Variants in AGAP1 observed in about 807,000 individuals in gnomAD.
AGAP1 encodes the protein arf-GAP with GTPase, ANK repeat and PH domain-containing protein 1.
AGAP1 carries 29 observed loss-of-function variants against 105.3 expected under a neutral mutation model. The observed-to-expected ratio is 0.28, with a 90% CI of 0.21 to 0.38. The LOEUF (loss-of-function observed/expected upper bound fraction) is 0.38. AGAP1 is among the 10% of genes least tolerant of loss of function. AGAP1 has a pLI of 1.00. For missense variants in AGAP1, 998 were observed against 1,165.1 expected, an observed-to-expected ratio of 0.86 and a Z score of 2.09; for synonymous variants, 509 against 485.9, an observed-to-expected ratio of 1.05 and a Z score of -0.63.
intron 13 of AGAP1, among the ~76,000 whole-genome samples, chr2:235,996,610 C>T (rs533647947): frequency 7.2e-5 from 11 of 152,332 alleles, no homozygotes; most frequent in East Asian, 3.9e-4. Flanking sequence ...TGGCTGCCCC[C>T]GGGGACCTTC....
At chr2:235,804,847 G>T (rs1957758639) in intron 8 of AGAP1, among the ~76,000 whole-genome samples, 1 of 152,184 alleles carries the variant, frequency 6.6e-6, no homozygotes, top group South Asian at 2.1e-4. Context: ...CTGTATGCAG[G>T]GCAGGGTCAC....
In AGAP1 at chr2:235,770,781, A is replaced by G. The variant is rs150432342; in HGVS notation, c.673+20293A>G. ...ATTAAGCTCAAAGTGGCAGATTCCA[A>G]TGCTTCAGGAATGTCTGACCCCTGT... On this transcript the variant is annotated intron_variant, in intron 6 of 17. Coordinates refer to ENST00000304032, the MANE Select transcript of AGAP1 (RefSeq NM_001037131.3). Among the ~76,000 whole-genome samples the G allele has an allele frequency of 1.7e-3, 266 of 152,290 alleles. 2 individuals are homozygous for G. Among genetic ancestry groups the G allele is most frequent in the Middle Eastern group, 6.8e-3 (2 of 294 alleles).
chr2:235,971,353 G>A lies in AGAP1; in HGVS notation c.1645+2730G>A, dbSNP rs2054632917. ...TCAGTGATATATGATATTTTTGATAGTTTTATTTACTGTTAATTCCTTGAA... is the reference window on the plus strand; with the variant it reads ...TCAGTGATATATGATATTTTTGATAATTTTATTTACTGTTAATTCCTTGAA... On this transcript the variant is annotated intron_variant, in intron 13 of 17. Coordinates refer to ENST00000304032, the MANE Select transcript of AGAP1 (RefSeq NM_001037131.3). The surrounding 1 kb of genome is among the most constrained non-coding windows in gnomAD (Gnocchi z 4.8). Among the ~76,000 whole-genome samples the A allele has an allele frequency of 6.6e-6, 1 of 152,182 alleles. No individual in the cohort carries two copies. Among genetic ancestry groups the A allele is most frequent in the Non-Finnish European group, 1.5e-5 (1 of 68,040 alleles).
rs556164022 is a variant in AGAP1, at chr2:235,737,121, G to A, written c.311-3842G>A. Among the ~76,000 whole-genome samples, 78 of 152,268 alleles carry A rather than the reference G, an allele frequency of 5.1e-4. No individual in the cohort carries two copies. Among genetic ancestry groups the A allele is most frequent in the African/African-American group, 1.8e-3 (75 of 41,554 alleles). On this transcript the variant is annotated intron_variant, in intron 3 of 17. Transcript: ENST00000304032. The surrounding 1 kb of genome is among the most constrained non-coding windows in gnomAD (Gnocchi z 4.5). ...CCTGCTCCCATCAGTAGTGCCCTGC[G>A]GGACCTTTTGAAAATCTCCCCAGTA...
intron 1 of AGAP1, among the ~76,000 whole-genome samples, chr2:235,499,164 G>C (rs1941453647): frequency 6.6e-6 from 1 of 152,216 alleles, no homozygotes; most frequent in Non-Finnish European, 1.5e-5. Flanking sequence ...CTGGCCCTCT[G>C]TCGCCGTGTG....
rs1419199147 is a variant in AGAP1, at chr2:235,979,451, T to C, written c.1645+10828T>C. Among the ~76,000 whole-genome samples the C allele has an allele frequency of 6.6e-6, 1 of 152,208 alleles. No homozygotes were observed. Among genetic ancestry groups the C allele is most frequent in the Non-Finnish European group, 1.5e-5 (1 of 68,032 alleles). ...CTCGCGCTCATTTTATCAAGATGTA[T>C]TAATGCTTTGGAGAAGGTGTAGTTG... is the stretch of plus-strand genomic sequence containing the variant. On this transcript the variant is annotated intron_variant, in intron 13 of 17. Coordinates refer to ENST00000304032, the MANE Select transcript of AGAP1 (RefSeq NM_001037131.3). The surrounding 1 kb of genome is among the most constrained non-coding windows in gnomAD (Gnocchi z 4.5).
Position 236,049,177 on chromosome 2 carries a change from A to G in AGAP1, c.2010A>G (p.Pro670=). The G allele has an allele frequency of 6.2e-7, 1 of 1,614,208 alleles. No homozygotes were observed. The highest frequency in any genetic ancestry group is 8.5e-7 in the Non-Finnish European group (1 of 1,180,032). ...RVRSLDLDDW[P]VELIKVMSSI... is the part of the protein sequence containing the mutation. ...GATCTCTGGACCTGGATGACTGGCC[A>G]GTCGAGCTCATCAAGGTGATGTCAT... The change falls in exon 16 of 18, where the codon CCA becomes CCG. Residue 670 remains proline, a synonymous_variant. Coordinates refer to ENST00000304032, the MANE Select transcript of AGAP1 (RefSeq NM_001037131.3).
At chr2:235,496,014 A>T (rs1055938734) in intron 1 of AGAP1, among the ~76,000 whole-genome samples, 6 of 152,174 alleles carry the variant, frequency 3.9e-5, no homozygotes, top group African/African-American at 1.4e-4. Flanking sequence ...TCCCTCTGTG[A>T]GGGAGAGGGT....
rs34419216 is a variant in AGAP1, at chr2:236,098,620, C to CTTTTTTTTTTTTTTTTTT, written c.2115-21570_2115-21553dup. On this transcript the variant is annotated intron_variant, in intron 16 of 17. Coordinates refer to ENST00000304032, the MANE Select transcript of AGAP1 (RefSeq NM_001037131.3). ...GCTGACTTGATGAAATCTTTTTTTC[C>CTTTTTTTTTTTTTTTTTT]TTTTTTTTTTTTTTTTTTTAGAGAA... Among the ~76,000 whole-genome samples, 416 of 115,190 alleles carry CTTTTTTTTTTTTTTTTTT rather than the reference C, an allele frequency of 3.6e-3. 42 individuals carry two copies. Among genetic ancestry groups the CTTTTTTTTTTTTTTTTTT allele is most frequent in the African/African-American group, 0.015 (391 of 25,746 alleles). The allele number at this position is 115,190 out of a possible 152,430, so 75.6% of individuals were successfully genotyped here. A position where few individuals can be genotyped will look rare whatever the true frequency, so the allele number is the denominator to read the frequency against.
intron 9 of AGAP1, among the ~76,000 whole-genome samples, chr2:235,876,537 T>C (rs2049737204): frequency 2.6e-5 from 4 of 152,194 alleles, no homozygotes; most frequent in African/African-American, 7.2e-5. Context: ...CTGGCCGCCT[T>C]GCCTGCCTGG....
At position 235,689,210 on chromosome 2, in the gene AGAP1, A is replaced by G. The variant is rs555826902; in HGVS notation, c.164-19969A>G. Among the ~76,000 whole-genome samples the G allele has an allele frequency of 1.2e-4, 19 of 152,166 alleles. No individual in the cohort carries two copies. Among genetic ancestry groups the G allele is most frequent in the Non-Finnish European group, 2.1e-4 (14 of 68,004 alleles). ...TCGGTAGATGGCCCCGGCCCTGCCT[A>G]TGCCTTGGACACTCTTCATTCGCTA... On this transcript the variant is annotated intron_variant, in intron 1 of 17. Coordinates refer to ENST00000304032, the MANE Select transcript of AGAP1 (RefSeq NM_001037131.3). The surrounding 1 kb of genome is among the most constrained non-coding windows in gnomAD (Gnocchi z 4.2).
At chr2:235,500,767 A>C (rs1941528432) in intron 1 of AGAP1, among the ~76,000 whole-genome samples, 1 of 152,140 alleles carries the variant, frequency 6.6e-6, no homozygotes, top group Non-Finnish European at 1.5e-5. Flanking sequence ...GACCCCTTTA[A>C]ATTTCATTAG....
rs2149718007 is a variant in AGAP1 at position 235,751,693 on chromosome 2, G to T, written c.673+1205G>T. On this transcript the variant is annotated intron_variant, in intron 6 of 17. Coordinates refer to ENST00000304032, the MANE Select transcript of AGAP1 (RefSeq NM_001037131.3). The surrounding 1 kb of genome is among the most constrained non-coding windows in gnomAD (Gnocchi z 5.3). ...ACATTTTCTTTCCTGGAGCAGTGAGGTTCCTTTCTAAGCCTGCCGTCTCTT... is the reference window on the plus strand; with the variant it reads ...ACATTTTCTTTCCTGGAGCAGTGAGTTTCCTTTCTAAGCCTGCCGTCTCTT... Among the ~76,000 whole-genome samples, 1 of 152,266 alleles carries T rather than the reference G, an allele frequency of 6.6e-6. No individual in the cohort carries two copies. Among genetic ancestry groups the T allele is most frequent in the South Asian group, 2.1e-4 (1 of 4,820 alleles).
chr2:235,731,513 G>C (rs1176799300), intron 3 of AGAP1, among the ~76,000 whole-genome samples: 2 of 152,196 alleles, frequency 1.3e-5, no homozygotes, highest in Non-Finnish European at 2.9e-5. Flanking sequence ...TGCGTATTAG[G>C]AAGAGGCCTG....
chr2:235,602,451 A>G (rs1945761049), intron 1 of AGAP1, among the ~76,000 whole-genome samples: 1 of 152,048 alleles, frequency 6.6e-6, no homozygotes, highest in Non-Finnish European at 1.5e-5. Context: ...TTTGCCCGCC[A>G]GGCTCACCCT....
Position 236,005,501 on chromosome 2 carries a change from A to C in AGAP1, c.1646-31060A>C, listed in dbSNP as rs1345635387. On this transcript the variant is annotated intron_variant, in intron 13 of 17. Coordinates refer to ENST00000304032, the MANE Select transcript of AGAP1 (RefSeq NM_001037131.3). This position sits in a 1 kb window ranked among gnomAD's most constrained non-coding sequence, Gnocchi z 4.1. ...TACATTTCTTAGAGTTCATGAGTCA[A>C]TATTGATATGTTTTTATTAAAGTCC... Among the ~76,000 whole-genome samples the C allele has an allele frequency of 6.6e-6, 1 of 152,122 alleles. No homozygotes were observed.
At position 235,502,144 on chromosome 2, in the gene AGAP1, A is replaced by G. The variant is rs535577474; in HGVS notation, c.163+7295A>G. Among the ~76,000 whole-genome samples the G allele has an allele frequency of 5.5e-4, 83 of 152,212 alleles. 1 individual carries two copies. Among genetic ancestry groups the G allele is most frequent in the South Asian group, 1.0e-3 (5 of 4,818 alleles). On this transcript the variant is annotated intron_variant, in intron 1 of 17. Coordinates refer to ENST00000304032, the MANE Select transcript of AGAP1 (RefSeq NM_001037131.3). ...GATGCAGTGATGACCCATCAGAGGC[A>G]GGGTTGGTATTGTCCGTGGGGTCCA...
At chr2:235,947,447 C>T (rs1050906229) in intron 12 of AGAP1, among the ~76,000 whole-genome samples, 1 of 152,152 alleles carries the variant, frequency 6.6e-6, no homozygotes, top group Admixed American at 6.5e-5. Context: ...ATTATATATA[C>T]ATATATAACA....
chr2:235,639,764 C>T lies in AGAP1; in HGVS notation c.164-69415C>T, dbSNP rs1947129071. Reference sequence around the variant, plus strand: ...GCACATGCCATCCCACATTCTAGACCATCCAGTTTTGCTTCTCAGGCTCTG... The same window carrying T: ...GCACATGCCATCCCACATTCTAGACTATCCAGTTTTGCTTCTCAGGCTCTG... On this transcript the variant is annotated intron_variant, in intron 1 of 17. Coordinates refer to ENST00000304032, the MANE Select transcript of AGAP1 (RefSeq NM_001037131.3). The surrounding 1 kb of genome is among the most constrained non-coding windows in gnomAD (Gnocchi z 5.3). 6.6e-6 allele frequency among the ~76,000 whole-genome samples: 1 copy of T among 152,134 alleles called. No homozygotes were observed. The highest frequency in any genetic ancestry group is 1.5e-5 in the Non-Finnish European group (1 of 68,030).
Sources: allele counts gnomAD v4.1 joint callset (sites outside exome capture counted in the v4.1 genomes callset), GRCh38; gene constraint gnomAD v4.1.1; non-coding constraint Gnocchi (gnomAD v3.1); transcripts MANE v1.5; gene names NCBI Gene and HGNC (gene_info 2026-07-23, HGNC 2026-07-21).